Variants in BTRC observed in about 807,000 individuals in gnomAD.
BTRC encodes the protein beta-transducin repeat containing E3 ubiquitin protein ligase.
BTRC carries 42 observed loss-of-function variants against 85.5 expected under a neutral mutation model. That is an observed-to-expected ratio of 0.49 (90% CI 0.38 to 0.64). The LOEUF is 0.64. BTRC is among the 30% of genes least tolerant of loss of function. BTRC has a pLI of 0.00. For missense variants in BTRC, 594 were observed against 743.5 expected, an observed-to-expected ratio of 0.80 and a Z score of 2.34; for synonymous variants, 255 against 263.3, an observed-to-expected ratio of 0.97 and a Z score of 0.30.
intron 4 of BTRC, 74 bp downstream of exon 4, chr10:101,479,531 G>A (rs948678604): frequency 2.5e-6 from 3 of 1,206,760 alleles, no homozygotes; most frequent in African/African-American, 1.5e-5. Context: ...TCTTTACTCA[G>A]TATTGCTTAA....
chr10:101,555,726 G>A lies in BTRC; in HGVS notation c.*2603G>A, dbSNP rs930432899. ...TTGACCTTTTTAAAACGAAAAGAGA[G>A]ACAAAGTCTCAGCACATTCCAAGGA... On this transcript the variant is annotated 3_prime_UTR_variant, in exon 15 of 15. Coordinates refer to ENST00000370187, the MANE Select transcript of BTRC (RefSeq NM_033637.4). 3 of 152,590 alleles carry A rather than the reference G, an allele frequency of 2.0e-5. No homozygotes were observed. The South Asian group carries it at 6.2e-4, about 32-fold the overall frequency. 9.5% of individuals were successfully genotyped at this position (152,590 alleles called of 1,614,324 possible). A position where few individuals can be genotyped will look rare whatever the true frequency, so the allele number is the denominator to read the frequency against.
intron 4 of BTRC, among the ~76,000 whole-genome samples, chr10:101,494,946 G>GACA (rs1946222791): frequency 6.6e-6 from 1 of 152,150 alleles, no homozygotes; most frequent in Non-Finnish European, 1.5e-5. Flanking sequence ...GTGGTAAAGG[G>GACA]AGTTTACAAG....
chr10:101,364,313 C>A (rs956445095), intron 1 of BTRC, among the ~76,000 whole-genome samples: 1 of 152,054 alleles, frequency 6.6e-6, no homozygotes, highest in Non-Finnish European at 1.5e-5. Flanking sequence ...AAGAAATAAT[C>A]AGAATCTTGA....
At chr10:101,401,359 A>G (rs1487074663) in intron 1 of BTRC, among the ~76,000 whole-genome samples, 2 of 152,144 alleles carry the variant, frequency 1.3e-5, no homozygotes, top group Non-Finnish European at 2.9e-5. Context: ...GAACATCCTT[A>G]ACTTTTTGTT....
chr10:101,482,062 C>G (rs1213852226), intron 4 of BTRC, among the ~76,000 whole-genome samples: 1 of 152,202 alleles, frequency 6.6e-6, no homozygotes, highest in Non-Finnish European at 1.5e-5. Context: ...CTTTGTCACC[C>G]AGGCTGGAGT....
chr10:101,375,999 C>T (rs1006725854), intron 1 of BTRC, among the ~76,000 whole-genome samples: 3 of 152,130 alleles, frequency 2.0e-5, no homozygotes, highest in Admixed American at 2.0e-4. Context: ...ACTTGGGAAA[C>T]ACAGCAGGAA....
Position 101,522,545 on chromosome 10 carries a change from C to T in BTRC, c.556+675C>T, listed in dbSNP as rs1213069132. The stretch of plus-strand genomic sequence containing the variant: ...AAGCAATTCTCCTGCCTCAGCCTCC[C>T]GAGTAGCTGGGACTACAGGCACCTA... On this transcript the variant is annotated intron_variant, in intron 5 of 14. Transcript: ENST00000370187. 3.4e-5 allele frequency among the ~76,000 whole-genome samples: 5 copies of T among 148,342 alleles called. No homozygotes were observed. In the South Asian group the frequency reaches 6.5e-4, roughly 19 times the overall value.
chr10:101,436,623 A>ATAGAT (rs1944536441), intron 2 of BTRC, among the ~76,000 whole-genome samples: 1 of 106,962 alleles, frequency 9.3e-6, no homozygotes, highest in South Asian at 3.2e-4. Flanking sequence ...TCAATTAAAA[A>ATAGAT]AAATAGATAG....
chr10:101,540,150 A>G (rs561829079), intron 13 of BTRC, among the ~76,000 whole-genome samples: 2 of 152,274 alleles, frequency 1.3e-5, no homozygotes, highest in East Asian at 1.9e-4. Flanking sequence ...GACTTTTTCT[A>G]TTATGGCCTA....
At chr10:101,366,521 A>G (rs747012670) in intron 1 of BTRC, among the ~76,000 whole-genome samples, 9 of 151,876 alleles carry the variant, frequency 5.9e-5, no homozygotes, top group Non-Finnish European at 1.0e-4. Context: ...AATTAGTTTT[A>G]ATGAGAGATT....
chr10:101,404,022 A>T lies in BTRC; in HGVS notation c.49-26323A>T, dbSNP rs1299583764. On this transcript the variant is annotated intron_variant, in intron 1 of 14. Coordinates refer to ENST00000370187, the MANE Select transcript of BTRC (RefSeq NM_033637.4). The stretch of plus-strand genomic sequence containing the variant: ...TGTGTGTATATATATATATATATAT[A>T]TATATATATTTTTTTTTTTTTTTTT... 6.6e-3 allele frequency among the ~76,000 whole-genome samples: 163 copies of T among 24,798 alleles called. 9 individuals are homozygous for T. Among genetic ancestry groups the T allele is most frequent in the Middle Eastern group, 0.02 (1 of 50 alleles). 16.3% of individuals were successfully genotyped at this position (24,798 alleles called of 152,430 possible).
At chr10:101,409,842 T>C (rs1464516013) in intron 1 of BTRC, among the ~76,000 whole-genome samples, 1 of 152,216 alleles carries the variant, frequency 6.6e-6, no homozygotes, top group African/African-American at 2.4e-5. Context: ...GTTTTCAACC[T>C]TTTGCCAATT....
intron 3 of BTRC, among the ~76,000 whole-genome samples, chr10:101,475,900 G>T (rs1945665638): frequency 9.1e-6 from 1 of 109,804 alleles, no homozygotes; most frequent in Non-Finnish European, 1.8e-5. Context: ...CAGAATATTT[G>T]CATAGTCTCC....
At chr10:101,447,698 G>GT (rs1240971737) in intron 2 of BTRC, among the ~76,000 whole-genome samples, 1 of 151,944 alleles carries the variant, frequency 6.6e-6, no homozygotes, top group Non-Finnish European at 1.5e-5. Flanking sequence ...AGTAATTATA[G>GT]TAACAGATTA....
At chr10:101,477,026 G>A (rs985029995) in intron 3 of BTRC, among the ~76,000 whole-genome samples, 3 of 152,064 alleles carry the variant, frequency 2.0e-5, no homozygotes, top group South Asian at 2.1e-4. Context: ...ACCCACGCTG[G>A]AGTGCCGTGG....
rs757557012 is a variant in BTRC at position 101,550,816 on chromosome 10, C to T, written c.1774C>T (p.Pro592Ser). The change falls in exon 14 of 15, where the codon CCC becomes TCC. Residue 592 changes from proline (P) to serine (S), a missense_variant. Pro to Ser is a moderately conservative substitution (Grantham distance 74). This residue lies in a region of BTRC where 56 missense variants were observed against 39.6 expected (regional missense o/e 1.41). Transcript: ENST00000370187. Reference sequence around the variant, plus strand: ...AAATGATCCAGCTGCCCAAGCTGAACCCCCCCGTTCCCCTTCTCGAACATA... The same window carrying T: ...AAATGATCCAGCTGCCCAAGCTGAATCCCCCCGTTCCCCTTCTCGAACATA... ...FLNDPAAQAE[P>S]PRSPSRTYTY... 34 of 1,613,330 alleles carry T rather than the reference C, an allele frequency of 2.1e-5. No individual in the cohort carries two copies. The East Asian group carries it at 5.1e-4, about 24-fold the overall frequency.
chr10:101,450,164 T>G (rs1944924629), intron 2 of BTRC, among the ~76,000 whole-genome samples: 1 of 152,056 alleles, frequency 6.6e-6, no homozygotes, highest in African/African-American at 2.4e-5. Context: ...ATACTCATAG[T>G]CATTGCTAAG....
rs528018524 is a variant in BTRC, at chr10:101,443,626, A to G, written c.156+13174A>G. 2.3e-4 allele frequency among the ~76,000 whole-genome samples: 35 copies of G among 152,342 alleles called. 2 individuals are homozygous for G. The South Asian group carries it at 7.2e-3, about 32-fold the overall frequency. Reference sequence around the variant, plus strand: ...AGAAAAGTTTTAATTTCTTCTATGTAATCTTCATTATTAAAATATGTTTGA... The same window carrying G: ...AGAAAAGTTTTAATTTCTTCTATGTGATCTTCATTATTAAAATATGTTTGA... On this transcript the variant is annotated intron_variant, in intron 2 of 14. Coordinates refer to ENST00000370187, the MANE Select transcript of BTRC (RefSeq NM_033637.4).
intron 5 of BTRC, among the ~76,000 whole-genome samples, 159 bp downstream of exon 5, chr10:101,522,029 T>C (rs1378846897): frequency 9.0e-6 from 1 of 110,960 alleles, no homozygotes; most frequent in African/African-American, 3.5e-5. Context: ...TTTTTTTTTT[T>C]TTTTTTTTTT....
Sources: gnomAD v4.1 joint callset for allele counts (sites outside exome capture counted in the v4.1 genomes callset) on GRCh38, gnomAD v4.1.1 for gene constraint, gnomAD v4.1.1 regional missense constraint, MANE v1.5 for transcripts, NCBI Gene and HGNC (gene_info 2026-07-23, HGNC 2026-07-21) for gene names.